The following SESN1 variants were observed in gnomAD, a reference collection of about 807,000 sequenced individuals.
SESN1 encodes the protein sestrin-1.
A neutral mutation model predicts 59.3 loss-of-function variants in SESN1; 30 were observed. That is an observed-to-expected ratio of 0.51 (90% CI 0.38 to 0.69). SESN1 has a LOEUF of 0.69. Ranked by LOEUF, SESN1 falls within the 30% of genes least tolerant of loss-of-function variation. The pLI is 0.00. For missense variants in SESN1, 566 were observed against 673.0 expected (o/e 0.84, Z 1.76); for synonymous variants, 197 against 219.9 (o/e 0.90, Z 0.92).
intron 6 of SESN1, 110 bp from the exon 7 acceptor site, chr6:108,993,009 A>G: frequency 1.5e-6 from 1 of 656,142 alleles, no homozygotes; most frequent in African/African-American, 1.8e-5. Context: ...TGAGTGACCA[A>G]TATCAACCAA....
At chr6:109,085,316 G>C (rs1781194601) in intron 1 of SESN1, among the ~76,000 whole-genome samples, 1 of 151,922 alleles carries the variant, frequency 6.6e-6, no homozygotes, top group Non-Finnish European at 1.5e-5. Flanking sequence ...TGAGTAGATC[G>C]AGACCATCCT....
At chr6:109,037,310 G>C (rs558888961) in intron 1 of SESN1, among the ~76,000 whole-genome samples, 1 of 152,122 alleles carries the variant, frequency 6.6e-6, no homozygotes, top group Non-Finnish European at 1.5e-5. Context: ...TTTTAAATTG[G>C]AATTTAGGGC....
In SESN1 at chr6:108,992,836, T is replaced by C. The variant is rs757397697; in HGVS notation, c.1184A>G (p.Tyr395Cys). Residue 395 changes from tyrosine to cysteine, a missense_variant, in exon 7 of 10, where the codon TAT (tyrosine) becomes TGT (cysteine). Coordinates refer to ENST00000436639, the MANE Select transcript of SESN1 (RefSeq NM_014454.3). ...SRHFEDTSYGYKDFSRHGMHV... is the reference protein window; with the variant it reads ...SRHFEDTSYGCKDFSRHGMHV... ...CATCCCATGTCTAGAGAAATCTTTATAGCCATAACTAGTATCCTCAAAATG... is the reference window on the plus strand; with the variant it reads ...CATCCCATGTCTAGAGAAATCTTTACAGCCATAACTAGTATCCTCAAAATG... 1.2e-6 allele frequency: 2 copies of C among 1,613,812 alleles called. No homozygotes were observed. The highest frequency in any genetic ancestry group is 2.2e-5 in the East Asian group (1 of 44,808).
intron 1 of SESN1, 61 bp from the exon 2 acceptor site, chr6:109,002,404 AAGGAATGG>A: frequency 1.5e-6 from 2 of 1,363,632 alleles, no homozygotes; most frequent in South Asian, 2.4e-5. Context: ...ACTGAGGCTA[AAGGAATGG>A]GAGGGAAAAA....
At chr6:109,088,479 G>A (rs1781254924) in intron 1 of SESN1, among the ~76,000 whole-genome samples, 2 of 151,336 alleles carry the variant, frequency 1.3e-5, no homozygotes, top group Non-Finnish European at 2.9e-5. Context: ...ATTTCTCCTG[G>A]AGGTGGGGGG....
intron 1 of SESN1, among the ~76,000 whole-genome samples, chr6:109,018,698 C>CT: frequency 6.6e-6 from 1 of 152,172 alleles, no homozygotes; most frequent in South Asian, 2.1e-4. Flanking sequence ...ATTTTTTTCA[C>CT]TTTTTTGTTC....
intron 1 of SESN1, among the ~76,000 whole-genome samples, chr6:109,025,101 C>A (rs746816843): frequency 5.3e-5 from 8 of 152,036 alleles, no homozygotes; most frequent in Non-Finnish European, 8.8e-5. Flanking sequence ...GGAGGTAGAT[C>A]AGAGACCCCA....
At position 109,000,606 on chromosome 6, in the gene SESN1, C is replaced by T; in HGVS notation, c.614G>A (p.Gly205Glu). Residue 205 changes from glycine to glutamate, a missense_variant, in exon 4 of 10, where the codon GGG (glycine) becomes GAG (glutamate). By Grantham distance (98) the Gly-to-Glu change is moderately conservative. Coordinates refer to ENST00000436639, the MANE Select transcript of SESN1 (RefSeq NM_014454.3). ...LHVNDFLHVGGDPKWLNGLEN... is the reference protein window; with the variant it reads ...LHVNDFLHVGEDPKWLNGLEN... ...TAAACCATTGAGCCACTTGGGGTCC[C>T]CACCAACATGAAGGAAATCATTTAC... 1 of 1,611,946 alleles carries T rather than the reference C, an allele frequency of 6.2e-7. No homozygotes were observed. The highest frequency in any genetic ancestry group is 1.1e-5 in the South Asian group (1 of 90,610).
chr6:109,074,937 G>A (rs1362675714), intron 1 of SESN1, among the ~76,000 whole-genome samples: 1 of 152,230 alleles, frequency 6.6e-6, no homozygotes, highest in Non-Finnish European at 1.5e-5. Flanking sequence ...GAGTCATGGA[G>A]GAAAGGAAGA....
intron 1 of SESN1, among the ~76,000 whole-genome samples, chr6:109,005,832 A>C (rs1213780158): frequency 1.3e-5 from 2 of 152,216 alleles, no homozygotes; most frequent in African/African-American, 2.4e-5. Context: ...GAATTTTACA[A>C]ATTATACAAA....
chr6:108,994,140 TAAAA>T (rs764125940), intron 6 of SESN1, among the ~76,000 whole-genome samples: 3 of 100,264 alleles, frequency 3.0e-5, no homozygotes, highest in South Asian at 3.3e-4. Context: ...CCCTGTTTCT[TAAAA>T]AAAAAAAAAA....
chr6:109,059,053 C>T (rs764703155), intron 1 of SESN1, among the ~76,000 whole-genome samples: 28 of 151,822 alleles, frequency 1.8e-4, no homozygotes, highest in Non-Finnish European at 3.4e-4. Flanking sequence ...AAATTTAAAA[C>T]GAAGTTTTTC....
intron 1 of SESN1, among the ~76,000 whole-genome samples, chr6:109,085,035 C>T (rs1781189496): frequency 1.3e-5 from 2 of 148,624 alleles, no homozygotes; most frequent in Non-Finnish European, 3.0e-5. Flanking sequence ...TTTAAAAAAA[C>T]AAGCATCTTT....
chr6:109,090,968 T>C (rs779949586), intron 1 of SESN1, among the ~76,000 whole-genome samples: 24 of 152,074 alleles, frequency 1.6e-4, no homozygotes, highest in Non-Finnish European at 2.5e-4. Flanking sequence ...TAGAGATGGG[T>C]CTTGCTATGT....
intron 1 of SESN1, among the ~76,000 whole-genome samples, chr6:109,028,433 C>A (rs558852857): frequency 2.6e-5 from 4 of 152,024 alleles, no homozygotes; most frequent in Non-Finnish European, 5.9e-5. Flanking sequence ...TCACAGGGAC[C>A]AAATTTGACC....
intron 7 of SESN1, among the ~76,000 whole-genome samples, chr6:108,991,228 AGT>A (rs112709389): frequency 0.037 from 5,433 of 147,834 alleles, 277 homozygotes; most frequent in African/African-American, 0.12. Context: ...TCAAATTATG[AGT>A]GTGTGTGTGT....
Position 108,985,464 on chromosome 6 carries a change from C to T in SESN1, c.*2080G>A, listed in dbSNP as rs1779158016. Among the ~76,000 whole-genome samples the T allele has an allele frequency of 6.6e-6, 1 of 152,156 alleles. No homozygotes were observed. The highest frequency in any genetic ancestry group is 2.4e-5 in the African/African-American group (1 of 41,432). ...AGATTATATAGTAACATTAGAAATC[C>T]TGTGTGTTTAGTTTTGAGAAAACAC... On this transcript the variant is annotated 3_prime_UTR_variant, in exon 10 of 10. Coordinates refer to ENST00000436639, the MANE Select transcript of SESN1 (RefSeq NM_014454.3).
chr6:109,044,792 G>T (rs1345689188), intron 1 of SESN1, among the ~76,000 whole-genome samples: 2 of 152,150 alleles, frequency 1.3e-5, no homozygotes, highest in African/African-American at 4.8e-5. Context: ...GGGAGGTCGA[G>T]GAGGGCAGAT....
chr6:108,988,699 CA>C lies in SESN1; in HGVS notation c.1425-13del. The C allele has an allele frequency of 6.3e-7, 1 of 1,585,340 alleles. No individual in the cohort carries two copies. Among genetic ancestry groups the C allele is most frequent in the Non-Finnish European group, 8.6e-7 (1 of 1,164,890 alleles). On this transcript the variant is annotated splice_polypyrimidine_tract_variant and intron_variant, in intron 8 of 9. Transcript: ENST00000436639. ...CATAATCATCATATCTGTTGAAAGACATAATGAGAATTATGATATTTTCAGT... is the reference window on the plus strand; with the variant it reads ...CATAATCATCATATCTGTTGAAAGACTAATGAGAATTATGATATTTTCAGT...
Sources: allele counts gnomAD v4.1 joint callset (sites outside exome capture counted in the v4.1 genomes callset), GRCh38; gene constraint gnomAD v4.1.1; transcripts MANE v1.5; gene names NCBI Gene and HGNC (gene_info 2026-07-23, HGNC 2026-07-21).